ZNF732: variants seen among roughly 807,000 people sequenced by gnomAD.
The protein encoded by ZNF732 is zinc finger protein LOC654254.
ZNF732 carries 12 observed loss-of-function variants against 11.5 expected under a neutral mutation model. The observed-to-expected ratio is 1.05, with a 90% CI of 0.67 to 1.70. The LOEUF is 1.70. Among genes scored for constraint, ZNF732 ranks in the 40% most tolerant of loss-of-function variants. The pLI, the probability that ZNF732 is intolerant of heterozygous loss-of-function variation, is 0.00. For synonymous variants in ZNF732, 231 were observed against 236.5 expected, an observed-to-expected ratio of 0.98 and a Z score of 0.21; for missense variants, 702 against 676.9, an observed-to-expected ratio of 1.04 and a Z score of -0.41.
chr4:282,192 G>A (rs571075583), intron 3 of ZNF732, among the ~76,000 whole-genome samples: 1 of 152,196 alleles, frequency 6.6e-6, no homozygotes, highest in Non-Finnish European at 1.5e-5. Flanking sequence ...TCAATAATTT[G>A]TTAATGGTAT....
chr4:292,971 G>A (rs1388113251), intron 3 of ZNF732, among the ~76,000 whole-genome samples: 2 of 143,148 alleles, frequency 1.4e-5, no homozygotes, highest in Admixed American at 7.0e-5. Flanking sequence ...AGGAGGCTGA[G>A]GCAGGAGAAT....
chr4:302,134 TTG>T (rs1237743377), intron 1 of ZNF732, among the ~76,000 whole-genome samples: 3 of 152,236 alleles, frequency 2.0e-5, no homozygotes, highest in African/African-American at 7.2e-5. Context: ...TTGCTGCACT[TTG>T]TGCACCTTGC....
intron 1 of ZNF732, among the ~76,000 whole-genome samples, chr4:304,560 G>A (rs1296487825): frequency 3.7e-5 from 5 of 136,208 alleles, no homozygotes; most frequent in South Asian, 2.8e-4. Flanking sequence ...CGCTCTTCCC[G>A]CAGCTGCCCC....
chr4:299,553 GTATA>G (rs1176018321), intron 1 of ZNF732, among the ~76,000 whole-genome samples: 19 of 123,272 alleles, frequency 1.5e-4, no homozygotes, highest in East Asian at 1.3e-3. Context: ...ACATATATAT[GTATA>G]TATATAGTTT....
rs782001523 is a variant in ZNF732 at position 271,628 on chromosome 4, C to G, written c.1229G>C (p.Arg410Thr). 1 of 1,610,970 alleles carries G rather than the reference C, an allele frequency of 6.2e-7. No individual in the cohort carries two copies. The change falls in exon 4 of 4, where the codon AGA (arginine) becomes ACA (threonine). Residue 410 changes from arginine to threonine, a missense_variant. By Grantham distance (71) the Arg-to-Thr change is moderately conservative (BLOSUM62 -1). Around this residue, in one of 3 missense-constraint regions of ZNF732, gnomAD observed 596 missense variants for 557.9 expected, o/e 1.07. Transcript: ENST00000419098. ...GTGGGGCCTCTCTCCAGTATGAATT[C>G]TCTTATGTTCATTAAGGGTTGTGAA... Reference protein sequence around the residue: ...SRFTTLNEHKRIHTGERPHKC... With the variant: ...SRFTTLNEHKTIHTGERPHKC...
At chr4:288,779 C>A (rs538620174) in intron 3 of ZNF732, among the ~76,000 whole-genome samples, 1 of 152,054 alleles carries the variant, frequency 6.6e-6, no homozygotes, top group African/African-American at 2.4e-5. Context: ...GTAGGCTGGG[C>A]GCAGTGGCTC....
intron 1 of ZNF732, among the ~76,000 whole-genome samples, chr4:297,321 T>C (rs1719974986): frequency 6.6e-6 from 1 of 151,728 alleles, no homozygotes; most frequent in South Asian, 2.1e-4. Flanking sequence ...GCGGTATTTA[T>C]GGAGCATGTA....
At chr4:274,791 G>T (rs13435268) in intron 3 of ZNF732, among the ~76,000 whole-genome samples, 2,200 of 151,678 alleles carry the variant, frequency 0.015, 63 homozygotes, top group African/African-American at 0.051. Flanking sequence ...TCATAAGAAA[G>T]AAGGACATTA....
intron 3 of ZNF732, among the ~76,000 whole-genome samples, chr4:284,786 G>A (rs1466290988): frequency 2.7e-5 from 4 of 146,606 alleles, no homozygotes; most frequent in Non-Finnish European, 4.5e-5. Context: ...CAGAAGAATC[G>A]CTTGAACCCA....
At chr4:289,644 G>A (rs1719800425) in intron 3 of ZNF732, among the ~76,000 whole-genome samples, 1 of 152,124 alleles carries the variant, frequency 6.6e-6, no homozygotes, top group Admixed American at 6.5e-5. Context: ...TTGAATGAGG[G>A]ATTTTTTTTC....
At chr4:296,634 C>T (rs1168242184) in intron 1 of ZNF732, among the ~76,000 whole-genome samples, 2 of 151,382 alleles carry the variant, frequency 1.3e-5, no homozygotes, top group Non-Finnish European at 3.0e-5. Flanking sequence ...TAGCTAAGCG[C>T]TGCCTCTCAA....
Position 271,633 on chromosome 4 carries a change from A to G in ZNF732, c.1224T>C (p.His408=). ...GCCTCTCTCCAGTATGAATTCTCTT[A>G]TGTTCATTAAGGGTTGTGAACCGAC... ...AFSRFTTLNE[H]KRIHTGERPH... is the part of the protein sequence containing the mutation. Residue 408 remains histidine, a synonymous_variant, in exon 4 of 4, where the codon CAT becomes CAC. Transcript: ENST00000419098. The G allele has an allele frequency of 6.2e-7, 1 of 1,611,036 alleles. No homozygotes were observed. Among genetic ancestry groups the G allele is most frequent in the Non-Finnish European group, 8.5e-7 (1 of 1,178,444 alleles).
intron 3 of ZNF732, among the ~76,000 whole-genome samples, chr4:294,352 T>G (rs186268220): frequency 6.6e-6 from 1 of 152,248 alleles, no homozygotes. Context: ...TCCAAGAATC[T>G]ATCAACAATG....
intron 3 of ZNF732, among the ~76,000 whole-genome samples, chr4:290,299 T>A (rs565977020): frequency 3.9e-5 from 6 of 152,196 alleles, no homozygotes; most frequent in African/African-American, 1.4e-4. Flanking sequence ...AAGGAAATTA[T>A]GCACAGAGTT....
intron 3 of ZNF732, among the ~76,000 whole-genome samples, chr4:281,411 G>A (rs532640538): frequency 6.6e-6 from 1 of 152,252 alleles, no homozygotes; most frequent in Non-Finnish European, 1.5e-5. Context: ...CAAACACCTC[G>A]CAAGAGCGAC....
At chr4:295,557 T>C in intron 2 of ZNF732, 24 bp from the exon 3 acceptor site, 2 of 1,570,268 alleles carry the variant, frequency 1.3e-6, no homozygotes, top group Admixed American at 1.8e-5. Context: ...AAAATTAACA[T>C]GCTACTGTTA....
chr4:299,448 T>TACACATATGTGTATATATATAC lies in ZNF732; in HGVS notation c.4-3294_4-3293insGTATATATATACACATATGTGT, dbSNP rs1370091144. On this transcript the variant is annotated intron_variant, in intron 1 of 3. Coordinates refer to ENST00000419098, the MANE Select transcript of ZNF732 (RefSeq NM_001137608.3). ...ATACACATATGTGTATATATATATATATACACATATGTGTATATATATATA... is the reference window on the plus strand; with the variant it reads ...ATACACATATGTGTATATATATATATACACATATGTGTATATATATACATACACATATGTGTATATATATATA... Among the ~76,000 whole-genome samples, 480 of 83,824 alleles carry TACACATATGTGTATATATATAC rather than the reference T, an allele frequency of 5.7e-3. 25 individuals carry two copies. The highest frequency in any genetic ancestry group is 9.2e-3 in the Non-Finnish European group (393 of 42,558). The allele number at this position is 83,824 out of a possible 152,430, so 55.0% of individuals were successfully genotyped here.
chr4:293,067 C>CAA (rs1227557602), intron 3 of ZNF732, among the ~76,000 whole-genome samples: 121 of 34,936 alleles, frequency 3.5e-3, no homozygotes, highest in Middle Eastern at 0.02. Context: ...GACTCCATCT[C>CAA]AAAAAAAAAA....
chr4:304,820 C>T (rs1031810377), intron 1 of ZNF732, among the ~76,000 whole-genome samples: 5 of 152,362 alleles, frequency 3.3e-5, no homozygotes, highest in Non-Finnish European at 4.4e-5. Flanking sequence ...TGATTTGCTT[C>T]GCTTCCTCAC....
Sources: gnomAD v4.1 joint callset for allele counts (sites outside exome capture counted in the v4.1 genomes callset) on GRCh38, gnomAD v4.1.1 for gene constraint, gnomAD v4.1.1 regional missense constraint, MANE v1.5 for transcripts, NCBI Gene and HGNC (gene_info 2026-07-23, HGNC 2026-07-21) for gene names.